Variants in DMD observed in about 807,000 individuals in gnomAD.
The protein encoded by DMD is mutant dystrophin.
Under a neutral mutation model 330.1 loss-of-function variants are expected in DMD, and 63 were observed. The observed-to-expected ratio is 0.19, with a 90% CI of 0.16 to 0.24. The LOEUF is 0.24. Among genes scored for constraint, DMD ranks in the 10% least tolerant of loss-of-function variants. The probability of loss-of-function intolerance (pLI) is 1.00; values close to 1 mark genes in which losing one functional copy is unlikely to be tolerated. For missense variants in DMD, 3,344 were observed against 2,684.1 expected (o/e 1.25, Z -5.43); for synonymous variants, 1,223 against 959.8 (o/e 1.27, Z -5.07).
chrX:32,442,792 A>G (rs1461588692), intron 27 of DMD, among the ~76,000 whole-genome samples: 2 of 111,064 alleles, frequency 1.8e-5, no homozygotes, highest in Non-Finnish European at 3.8e-5. Flanking sequence ...CTTTAAACAG[A>G]GAATACAGAC....
intron 69 of DMD, 137 bp from the exon 70 acceptor site, chrX:31,178,942 C>A: frequency 1.3e-6 from 1 of 774,594 alleles, no homozygotes; most frequent in Non-Finnish European, 1.9e-6. Flanking sequence ...GCTTTGGAAT[C>A]AGACAAATGG....
At chrX:31,374,520 T>C (rs1332224251) in intron 60 of DMD, among the ~76,000 whole-genome samples, 3 of 108,131 alleles carry the variant, frequency 2.8e-5, no homozygotes, top group Admixed American at 9.9e-5. Flanking sequence ...ATGTCCTTTG[T>C]AGGGACATGG....
chrX:32,849,794 G>C lies in DMD; in HGVS notation c.120C>G (p.Leu40=). The change falls in exon 3 of 79, where the codon CTC becomes CTG. Residue 40 remains leucine, a synonymous_variant. Coordinates refer to ENST00000357033, the MANE Select transcript of DMD (RefSeq NM_004006.3). ...GCCTCCCATCCTGTAGGTCACTGAA[G>C]AGGTTCTCAATATGCTGCTTCCCAA... ...SKFGKQHIEN[L]FSDLQDGRRL... 1.7e-6 allele frequency: 2 copies of C among 1,207,838 alleles called. No homozygotes were observed. Among genetic ancestry groups the C allele is most frequent in the South Asian group, 3.5e-5 (2 of 56,841 alleles).
chrX:31,716,768 T>C (rs1415920543), intron 52 of DMD, among the ~76,000 whole-genome samples: 1 of 108,586 alleles, frequency 9.2e-6, no homozygotes, highest in African/African-American at 3.4e-5. Context: ...GTCGTATATA[T>C]AAAATTGACA....
At chrX:32,126,332 A>G (rs2096661492) in intron 44 of DMD, among the ~76,000 whole-genome samples, 1 of 112,063 alleles carries the variant, frequency 8.9e-6, no homozygotes, top group Non-Finnish European at 1.9e-5. Context: ...GATTTGGTAA[A>G]AACTTGACAT....
At chrX:31,202,969 T>C (rs758195131) in intron 67 of DMD, among the ~76,000 whole-genome samples, 47 of 112,110 alleles carry the variant, frequency 4.2e-4, no homozygotes, top group Middle Eastern at 4.7e-3. Flanking sequence ...AGGATGTTCA[T>C]TGTAGCACTA....
At chrX:31,644,553 G>C (rs1473793294) in intron 54 of DMD, among the ~76,000 whole-genome samples, 2 of 111,649 alleles carry the variant, frequency 1.8e-5, no homozygotes, top group African/African-American at 6.5e-5. Context: ...TTTAGAATAT[G>C]GGACAGCAAA....
At chrX:32,854,053 T>C (rs5928093) in intron 2 of DMD, among the ~76,000 whole-genome samples, 4 of 111,592 alleles carry the variant, frequency 3.6e-5, no homozygotes, top group Non-Finnish European at 1.9e-5. Flanking sequence ...TACCGAACAC[T>C]GGAGCACCCA....
chrX:33,021,182 A>C (rs1340992632), intron 1 of DMD, among the ~76,000 whole-genome samples: 2 of 111,177 alleles, frequency 1.8e-5, no homozygotes, highest in Admixed American at 9.7e-5. Context: ...ATAAATACTC[A>C]AAGAAAAAAG....
At chrX:31,130,664 A>G (rs1386984456) in intron 77 of DMD, among the ~76,000 whole-genome samples, 2 of 112,242 alleles carry the variant, frequency 1.8e-5, no homozygotes, top group South Asian at 7.4e-4. Flanking sequence ...TTTTGATAAC[A>G]GTTTAGCAAA....
At chrX:32,858,037 T>C (rs188457899) in intron 2 of DMD, among the ~76,000 whole-genome samples, 2 of 110,156 alleles carry the variant, frequency 1.8e-5, no homozygotes, top group East Asian at 5.7e-4. Flanking sequence ...GTTCCTGCTA[T>C]CGTATTATTT....
intron 44 of DMD, among the ~76,000 whole-genome samples, chrX:32,058,761 G>A (rs1190485559): frequency 9.0e-6 from 1 of 111,023 alleles, no homozygotes; most frequent in Non-Finnish European, 1.9e-5. Context: ...TTATCTAAAC[G>A]AATTCAATTT....
At chrX:31,289,563 A>G (rs182843897) in intron 62 of DMD, among the ~76,000 whole-genome samples, 1 of 111,112 alleles carries the variant, frequency 9.0e-6, no homozygotes, top group African/African-American at 3.3e-5. Context: ...TATGAACTTC[A>G]TAAGGCATCT....
chrX:31,787,113 C>T (rs1308646444), intron 50 of DMD, among the ~76,000 whole-genome samples: 1 of 111,894 alleles, frequency 8.9e-6, no homozygotes, highest in Admixed American at 9.5e-5. Flanking sequence ...TGGCTCATGC[C>T]TGTAATACCA....
intron 2 of DMD, among the ~76,000 whole-genome samples, chrX:32,921,796 T>C (rs2088436840): frequency 9.0e-6 from 1 of 111,670 alleles, no homozygotes; most frequent in Admixed American, 9.6e-5. Context: ...TACATAGAAA[T>C]AATTATAAGC....
At chrX:31,434,344 G>C (rs370652407) in intron 60 of DMD, among the ~76,000 whole-genome samples, 12 of 106,049 alleles carry the variant, frequency 1.1e-4, no homozygotes, top group Admixed American at 3.1e-4. Context: ...TTCAGATCTC[G>C]GTCAAAGGTC....
chrX:32,850,278 A>G (rs978415591), intron 2 of DMD, among the ~76,000 whole-genome samples: 4 of 111,921 alleles, frequency 3.6e-5, no homozygotes, highest in African/African-American at 1.3e-4. Context: ...CTTGCTGTGC[A>G]TACACATTTT....
In DMD at chrX:31,214,937, C is replaced by CTTTTT. The variant is rs761569710; in HGVS notation, c.9362-5243_9362-5239dup. Among the ~76,000 whole-genome samples, 51 of 38,087 alleles carry CTTTTT rather than the reference C, an allele frequency of 1.3e-3. 11 individuals are homozygous for CTTTTT. Among genetic ancestry groups the CTTTTT allele is most frequent in the South Asian group, 4.5e-3 (2 of 445 alleles). The allele number at this position is 38,087 out of a possible 115,157, so 33.1% of individuals were successfully genotyped here. On this transcript the variant is annotated intron_variant, in intron 64 of 78. Transcript: ENST00000357033. ...AAAGATACTTTTTTATTTCTTTTTT[C>CTTTTT]TTTTTTTTTTTTTTTTTTTTTTGAG...
intron 1 of DMD, among the ~76,000 whole-genome samples, chrX:33,257,100 G>A (rs897719304): frequency 9.0e-6 from 1 of 110,594 alleles, no homozygotes; most frequent in Admixed American, 9.7e-5. Context: ...TGGAGACCGA[G>A]AAGGGAAAAT....
Sources: gnomAD v4.1 joint callset for allele counts (sites outside exome capture counted in the v4.1 genomes callset) on GRCh38, gnomAD v4.1.1 for gene constraint, MANE v1.5 for transcripts, NCBI Gene and HGNC (gene_info 2026-07-23, HGNC 2026-07-21) for gene names.